CIZ1: variants seen among roughly 807,000 people sequenced by gnomAD.
CIZ1 encodes CDKN1A interacting zinc finger protein 1.
CIZ1 carries 58 observed loss-of-function variants against 118.6 expected under a neutral mutation model. The ratio of observed to expected loss-of-function variants is 0.49; its 90% CI spans 0.40 to 0.61. CIZ1 has a LOEUF of 0.61. CIZ1 is among the 20% of genes least tolerant of loss of function. The pLI is 0.00. For missense variants in CIZ1, 921 were observed against 1,115.9 expected (o/e 0.83, Z 2.49); for synonymous variants, 448 against 443.4 (o/e 1.01, Z -0.13).
In CIZ1 at chr9:128,170,031, G is replaced by A; in HGVS notation, c.2020C>T (p.Gln674Ter). 6.2e-7 allele frequency: 1 copy of A among 1,613,416 alleles called. No homozygotes were observed. Among genetic ancestry groups the A allele is most frequent in the Non-Finnish European group, 8.5e-7 (1 of 1,179,824 alleles). Residue 674 changes from glutamine (Q) to a stop codon, truncating the protein, a stop_gained, in exon 12 of 17, where the codon CAG becomes TAG. Transcript: ENST00000372938. LOFTEE classifies it high-confidence loss of function. ...MGDLIQHRRT[Q>*]DHKIAKQSLR... Reference sequence around the variant, plus strand: ...GCAGGCCCTCCTACCTTGTGGTCCTGTGTCCTGCGGTGTTGGATCAGGTCC... The same window carrying A: ...GCAGGCCCTCCTACCTTGTGGTCCTATGTCCTGCGGTGTTGGATCAGGTCC...
upstream of CIZ1, among the ~76,000 whole-genome samples, chr9:128,192,338 C>T (rs111518597): frequency 1.3e-5 from 2 of 150,796 alleles, no homozygotes; most frequent in African/African-American, 4.9e-5. Context: ...CCACTGCACT[C>T]CAGCCTGAGC....
At chr9:128,171,056 G>A (rs909123976) in intron 11 of CIZ1, among the ~76,000 whole-genome samples, 1 of 152,074 alleles carries the variant, frequency 6.6e-6, no homozygotes, top group Non-Finnish European at 1.5e-5. Flanking sequence ...AGCCCAGGAG[G>A]TCGAGGCTGC....
At chr9:128,179,546 G>T in intron 7 of CIZ1, 131 bp from the exon 8 acceptor site, 1 of 768,184 alleles carries the variant, frequency 1.3e-6, no homozygotes, top group East Asian at 2.7e-5. Flanking sequence ...GCTGAGGCAG[G>T]TGGATCATTT....
intron 11 of CIZ1, among the ~76,000 whole-genome samples, chr9:128,176,016 C>T (rs1412416392): frequency 6.6e-6 from 1 of 152,208 alleles, no homozygotes; most frequent in Non-Finnish European, 1.5e-5. Flanking sequence ...AGAACCTGAT[C>T]CTCAGCCTTG....
At chr9:128,177,239 G>A (rs954450383) in intron 10 of CIZ1, among the ~76,000 whole-genome samples, 3 of 152,084 alleles carry the variant, frequency 2.0e-5, no homozygotes, top group East Asian at 1.9e-4. Context: ...GGTGGAATTC[G>A]CTTTCCAAGG....
In CIZ1 at chr9:128,178,698, T is replaced by C. The variant is rs1232612011; in HGVS notation, c.1498+11A>G. Reference sequence around the variant, plus strand: ...CATCACCAGACCAGCTGGGAGCCAGTGCTCACTTACCTCCACCAGCTTCTA... The same window carrying C: ...CATCACCAGACCAGCTGGGAGCCAGCGCTCACTTACCTCCACCAGCTTCTA... On this transcript the variant is annotated intron_variant, in intron 8 of 16. Coordinates refer to ENST00000372938, the MANE Select transcript of CIZ1 (RefSeq NM_001131016.2). The C allele has an allele frequency of 6.2e-7, 1 of 1,608,504 alleles. No individual in the cohort carries two copies. Among genetic ancestry groups the C allele is most frequent in the South Asian group, 1.1e-5 (1 of 90,628 alleles).
At chr9:128,168,281 C>T (rs574125018) in intron 14 of CIZ1, among the ~76,000 whole-genome samples, 5 of 152,262 alleles carry the variant, frequency 3.3e-5, no homozygotes, top group African/African-American at 9.6e-5. Flanking sequence ...TTTGGTAGGC[C>T]GAGGTGGGTG....
Position 128,182,117 on chromosome 9 carries a change from A to T in CIZ1, c.589-1303T>A, listed in dbSNP as rs1588201141. 3.3e-5 allele frequency among the ~76,000 whole-genome samples: 5 copies of T among 152,196 alleles called. No individual in the cohort carries two copies. The South Asian group carries it at 1.0e-3, about 32-fold the overall frequency. On this transcript the variant is annotated intron_variant, in intron 5 of 16. Coordinates refer to ENST00000372938, the MANE Select transcript of CIZ1 (RefSeq NM_001131016.2). ...GTCCAGTGGACACGTGACCCACGTGACCTTACCTATCATTGGAGGTGACTC... is the reference window on the plus strand; with the variant it reads ...GTCCAGTGGACACGTGACCCACGTGTCCTTACCTATCATTGGAGGTGACTC...
chr9:128,166,537 CTCTCTGGGCCG>C lies in CIZ1; in HGVS notation c.2488-142_2488-132del. On this transcript the variant is annotated intron_variant, in intron 16 of 16. Transcript: ENST00000372938. The surrounding 1 kb of genome is among the most constrained non-coding windows in gnomAD (Gnocchi z 4.4). ...TGTGACCCTGCGTGATGCACTCGGC[CTCTCTGGGCCG>C]TCTCTGGAGCTAACAGCCTGGCACT... 1 of 960,666 alleles carries C rather than the reference CTCTCTGGGCCG, an allele frequency of 1.0e-6. No homozygotes were observed. Among genetic ancestry groups the C allele is most frequent in the Non-Finnish European group, 1.5e-6 (1 of 652,620 alleles). The allele number at this position is 960,666 out of a possible 1,614,324, so 59.5% of individuals were successfully genotyped here.
rs779164907 is a variant in CIZ1 at position 128,168,775 on chromosome 9, T to C, written c.2295+277A>G. Reference sequence around the variant, plus strand: ...TCTGACTTTTCCTTTGCACACTACATAGTTTCCCACCTCCGTGCCTTTACT... The same window carrying C: ...TCTGACTTTTCCTTTGCACACTACACAGTTTCCCACCTCCGTGCCTTTACT... On this transcript the variant is annotated intron_variant, in intron 14 of 16. Coordinates refer to ENST00000372938, the MANE Select transcript of CIZ1 (RefSeq NM_001131016.2). 14 of 439,952 alleles carry C rather than the reference T, an allele frequency of 3.2e-5. No individual in the cohort carries two copies. The East Asian group carries it at 5.9e-4, about 19-fold the overall frequency. The allele number at this position is 439,952 out of a possible 1,614,324, so 27.3% of individuals were successfully genotyped here.
At chr9:128,182,906 G>T (rs1266882996) in intron 5 of CIZ1, among the ~76,000 whole-genome samples, 1 of 152,032 alleles carries the variant, frequency 6.6e-6, no homozygotes, top group East Asian at 1.9e-4. Context: ...TTACAGGCAT[G>T]AGTCATTGCA....
chr9:128,175,339 G>A (rs1349639285), intron 11 of CIZ1, among the ~76,000 whole-genome samples: 1 of 152,140 alleles, frequency 6.6e-6, no homozygotes, highest in African/African-American at 2.4e-5. Flanking sequence ...AGCAAAGAAC[G>A]TCTTGGTGAG....
intron 10 of CIZ1, 98 bp downstream of exon 10, chr9:128,177,468 G>A: frequency 2.4e-6 from 2 of 825,552 alleles, no homozygotes; most frequent in East Asian, 2.8e-5. Flanking sequence ...TGGCTGCTTG[G>A]GGCAGGGCCC....
Position 128,203,387 on chromosome 9 carries a change from C to A in CIZ1, c.-6+799G>T. On this transcript the variant is annotated intron_variant, in intron 1 of 17. Transcript: ENST00000372948. The surrounding 1 kb of genome is among the most constrained non-coding windows in gnomAD (Gnocchi z 5.3). ...GGCCCCGCGGCGCAGGCAGTCTGGG[C>A]GCGCGGCTGCAGCGGCGGAGCCGGA... 1.6e-6 allele frequency: 2 copies of A among 1,276,152 alleles called. No homozygotes were observed. Among genetic ancestry groups the A allele is most frequent in the South Asian group, 4.0e-5 (2 of 49,656 alleles). The allele number at this position is 1,276,152 out of a possible 1,614,324, so 79.1% of individuals were successfully genotyped here. A position where few individuals can be genotyped will look rare whatever the true frequency, so the allele number is the denominator to read the frequency against.
chr9:128,172,112 C>G (rs1000018120), intron 11 of CIZ1, among the ~76,000 whole-genome samples: 2 of 124,598 alleles, frequency 1.6e-5, no homozygotes, highest in African/African-American at 6.0e-5. Context: ...CACACCACTA[C>G]GCTCCAGCCT....
At position 128,178,359 on chromosome 9, in the gene CIZ1, C is replaced by T. The variant is rs1831135285; in HGVS notation, c.1620+10G>A. Reference sequence around the variant, plus strand: ...GGCCCTCACACTGCCACATCAGGGCCTCTACCCACCCCTGGCATCTCTCTC... The same window carrying T: ...GGCCCTCACACTGCCACATCAGGGCTTCTACCCACCCCTGGCATCTCTCTC... On this transcript the variant is annotated intron_variant, in intron 9 of 16. Transcript: ENST00000372938. 3 of 1,611,514 alleles carry T rather than the reference C, an allele frequency of 1.9e-6. No individual in the cohort carries two copies. The highest frequency in any genetic ancestry group is 4.5e-5 in the East Asian group (2 of 44,854).
chr9:128,189,172 T>C (rs1233108818), intron 3 of CIZ1, among the ~76,000 whole-genome samples: 5 of 151,612 alleles, frequency 3.3e-5, no homozygotes, highest in Admixed American at 3.3e-4. Context: ...CCTGGACTCA[T>C]GTGATCCTCC....
At chr9:128,173,176 G>A (rs1003142567) in intron 11 of CIZ1, among the ~76,000 whole-genome samples, 3 of 123,136 alleles carry the variant, frequency 2.4e-5, no homozygotes, top group Non-Finnish European at 4.7e-5. Flanking sequence ...ACGGAGTCTC[G>A]CTCTGTCGCC....
At chr9:128,186,320 G>A (rs774765170) in intron 4 of CIZ1, among the ~76,000 whole-genome samples, 17 of 152,016 alleles carry the variant, frequency 1.1e-4, no homozygotes, top group East Asian at 3.9e-4. Context: ...GGGTCGCTAC[G>A]AGGGACACTG....
Sources: allele counts gnomAD v4.1 joint callset (sites outside exome capture counted in the v4.1 genomes callset), GRCh38; gene constraint gnomAD v4.1.1; non-coding constraint Gnocchi (gnomAD v3.1); transcripts MANE v1.5; gene names NCBI Gene and HGNC (gene_info 2026-07-23, HGNC 2026-07-21).